The following ZSWIM4 variants were observed in gnomAD, a reference collection of about 807,000 sequenced individuals.
The protein encoded by ZSWIM4 is zinc finger SWIM-type containing 4.
ZSWIM4 carries 62 observed loss-of-function variants against 102.5 expected under a neutral mutation model. The observed-to-expected ratio is 0.60, with a 90% confidence interval of 0.49 to 0.75. ZSWIM4 has a LOEUF of 0.75. Ranked by LOEUF, ZSWIM4 falls within the 30% of genes least tolerant of loss-of-function variation. The pLI is 0.00. For missense variants in ZSWIM4, 1,280 were observed against 1,529.6 expected, an observed-to-expected ratio of 0.84 and a Z score of 2.72; for synonymous variants, 652 against 674.5, an observed-to-expected ratio of 0.97 and a Z score of 0.52.
intron 5 of ZSWIM4, among the ~76,000 whole-genome samples, chr19:13,810,150 A>G (rs939185276): frequency 4.0e-5 from 6 of 151,532 alleles, no homozygotes; most frequent in Non-Finnish European, 5.9e-5. Flanking sequence ...ACCCGCCACT[A>G]AGTCCGGCTA....
In ZSWIM4 at chr19:13,809,363, C is replaced by A; in HGVS notation, c.1012+143C>A. On this transcript the variant is annotated intron_variant, in intron 5 of 13. Transcript: ENST00000590508. The surrounding 1 kb of genome is among the most constrained non-coding windows in gnomAD (Gnocchi z 4.2). The stretch of plus-strand genomic sequence containing the variant: ...TTATGAGCGCCTCTAAAGTGCCAGG[C>A]ATGGTACTGGGCACTGGTGGTCCGG... 8.4e-7 allele frequency: 1 copy of A among 1,191,604 alleles called. No individual in the cohort carries two copies. The allele number at this position is 1,191,604 out of a possible 1,614,324, so 73.8% of individuals were successfully genotyped here. A position where few individuals can be genotyped will look rare whatever the true frequency, so the allele number is the denominator to read the frequency against.
chr19:13,830,885 C>T lies in ZSWIM4; in HGVS notation c.3156C>T (p.Ser1052=), dbSNP rs1410805972. The change falls in exon 14 of 14, where the codon AGC becomes AGT. Residue 1052 remains serine (S), a synonymous_variant. Transcript: ENST00000590508. ...GCCACTCGCGCCTCACGCACATCAG[C>T]CCGCGGCACTATGGGGATTTCATCG... ...TTSHSRLTHI[S]PRHYGDFIEF... is the part of the protein sequence containing the mutation. 3 of 1,614,082 alleles carry T rather than the reference C, an allele frequency of 1.9e-6. No individual in the cohort carries two copies. The highest frequency in any genetic ancestry group is 1.3e-5 in the African/African-American group (1 of 74,952).
At chr19:13,807,565 G>A (rs1974950502) in intron 3 of ZSWIM4, among the ~76,000 whole-genome samples, 1 of 131,264 alleles carries the variant, frequency 7.6e-6, no homozygotes, top group Admixed American at 8.3e-5. Context: ...CTGGTGTTTT[G>A]GGCAAGATGG....
chr19:13,800,064 G>GTTTTTTTTTTTTTT, intron 2 of ZSWIM4, 143 bp downstream of exon 2: 1 of 417,196 alleles, frequency 2.4e-6, no homozygotes, highest in African/African-American at 6.6e-5. Flanking sequence ...GATTGTACAA[G>GTTTTTTTTTTTTTT]ATTTTTTTTT....
rs190058628 is a variant in ZSWIM4, at chr19:13,805,199, C to T, written c.712+51C>T. 1.2e-5 allele frequency: 18 copies of T among 1,473,292 alleles called. No homozygotes were observed. The Admixed American group carries it at 2.7e-4, about 22-fold the overall frequency. 91.3% of individuals were successfully genotyped at this position (1,473,292 alleles called of 1,614,324 possible). Reference sequence around the variant, plus strand: ...GGGAGAGGATGCCCAAGCGCACAGCCACGCCACTTGCTGTGTGCCCAGTGC... The same window carrying T: ...GGGAGAGGATGCCCAAGCGCACAGCTACGCCACTTGCTGTGTGCCCAGTGC... On this transcript the variant is annotated intron_variant, in intron 3 of 13. Coordinates refer to ENST00000590508, the MANE Select transcript of ZSWIM4 (RefSeq NM_001367834.3).
At chr19:13,821,899 G>A (rs1975473885) in intron 10 of ZSWIM4, among the ~76,000 whole-genome samples, 1 of 151,936 alleles carries the variant, frequency 6.6e-6, no homozygotes, top group Non-Finnish European at 1.5e-5. Flanking sequence ...ACCACGCCTG[G>A]TTAATTTTTT....
At chr19:13,804,064 A>G (rs1011820379) in intron 2 of ZSWIM4, among the ~76,000 whole-genome samples, 6 of 151,074 alleles carry the variant, frequency 4.0e-5, no homozygotes, top group Non-Finnish European at 8.8e-5. Context: ...GGGTTTCACC[A>G]TGTTGGCCAT....
chr19:13,810,322 T>A (rs1599592824), intron 5 of ZSWIM4, among the ~76,000 whole-genome samples: 1 of 150,618 alleles, frequency 6.6e-6, no homozygotes, highest in African/African-American at 2.5e-5. Flanking sequence ...ACACGGACTC[T>A]CACCCTGTCT....
At chr19:13,804,277 C>G (rs536086675) in intron 2 of ZSWIM4, among the ~76,000 whole-genome samples, 43 of 152,042 alleles carry the variant, frequency 2.8e-4, no homozygotes, top group African/African-American at 9.9e-4. Context: ...TCAAAATCAG[C>G]CTGACCAACA....
Position 13,830,474 on chromosome 19 carries a change from C to T in ZSWIM4, c.2745C>T (p.Gly915=), listed in dbSNP as rs115782625. 4.1e-4 allele frequency: 664 copies of T among 1,602,618 alleles called. 3 individuals carry two copies. In the African/African-American group the frequency reaches 7.8e-3, roughly 19 times the overall value. Residue 915 remains glycine (G), a synonymous_variant, in exon 14 of 14, where the codon GGC becomes GGT. Coordinates refer to ENST00000590508, the MANE Select transcript of ZSWIM4 (RefSeq NM_001367834.3). The part of the protein sequence containing the change: ...AYQIVLDAAA[G]GLGHAHLFTV... ...AGATCGTGCTGGACGCGGCGGCCGG[C>T]GGCCTGGGCCACGCCCACCTCTTCA...
intron 1 of ZSWIM4, among the ~76,000 whole-genome samples, chr19:13,796,196 C>T (rs1224916886): frequency 6.6e-6 from 1 of 150,640 alleles, no homozygotes; most frequent in Admixed American, 6.6e-5. Flanking sequence ...AACGGTACCC[C>T]TCTTTTCCCA....
At chr19:13,808,797 C>T in intron 3 of ZSWIM4, 39 bp from the exon 4 acceptor site, 3 of 1,545,496 alleles carry the variant, frequency 1.9e-6, no homozygotes, top group Non-Finnish European at 2.6e-6. Context: ...ACCCCAACTC[C>T]AGCCCCAGCC....
chr19:13,803,414 A>G (rs529204494), intron 2 of ZSWIM4, among the ~76,000 whole-genome samples: 68 of 152,236 alleles, frequency 4.5e-4, no homozygotes, highest in Middle Eastern at 3.4e-3. Flanking sequence ...AGCCCTGGCC[A>G]TATTCATTGT....
At chr19:13,829,349 G>A (rs1016422359) in intron 13 of ZSWIM4, among the ~76,000 whole-genome samples, 4 of 152,146 alleles carry the variant, frequency 2.6e-5, no homozygotes, top group African/African-American at 4.8e-5. Flanking sequence ...CTAGCACTTT[G>A]GGAGGCCAAG....
chr19:13,803,364 G>A (rs1034803609), intron 2 of ZSWIM4, among the ~76,000 whole-genome samples: 5 of 152,320 alleles, frequency 3.3e-5, no homozygotes, highest in Admixed American at 2.0e-4. Context: ...CAAGCGCCAC[G>A]GGTCTTTGGC....
At chr19:13,812,171 A>G (rs1975114087) in intron 5 of ZSWIM4, among the ~76,000 whole-genome samples, 1 of 152,320 alleles carries the variant, frequency 6.6e-6, no homozygotes, top group South Asian at 2.1e-4. Flanking sequence ...AGTTTTCACC[A>G]TGGGCAGTGG....
chr19:13,813,022 G>A lies in ZSWIM4; in HGVS notation c.1038G>A (p.Leu346=). 2.5e-6 allele frequency: 4 copies of A among 1,613,358 alleles called. No individual in the cohort carries two copies. The highest frequency in any genetic ancestry group is 3.4e-6 in the Non-Finnish European group (4 of 1,179,580). The change falls in exon 6 of 14, where the codon CTG becomes CTA. Residue 346 remains leucine (L), a synonymous_variant. Coordinates refer to ENST00000590508, the MANE Select transcript of ZSWIM4 (RefSeq NM_001367834.3). ...GGGCCCTGTGGGTTTGCGTCGTCCT[G>A]AGCCCCCACTGCAAACCAGAGGAAA... ...ELGALWVCVV[L]SPHCKPEERA...
intron 3 of ZSWIM4, among the ~76,000 whole-genome samples, chr19:13,807,570 AGATGGATGGATGGATG>A (rs56365536): frequency 2.1e-5 from 3 of 141,034 alleles, no homozygotes; most frequent in African/African-American, 5.3e-5. Context: ...GTTTTGGGCA[AGATGGATGGATGGATG>A]GATGGATGGA....
At position 13,804,917 on chromosome 19, in the gene ZSWIM4, G is replaced by T; in HGVS notation, c.481G>T (p.Asp161Tyr). 1 of 1,613,412 alleles carries T rather than the reference G, an allele frequency of 6.2e-7. No homozygotes were observed. Among genetic ancestry groups the T allele is most frequent in the Non-Finnish European group, 8.5e-7 (1 of 1,180,012 alleles). The part of the protein sequence containing the change: ...TSVSCGCDNR[D>Y]LFYCAHVVAL... The stretch of plus-strand genomic sequence containing the variant: ...CGTGAGCTGCGGCTGTGACAACCGC[G>T]ACCTCTTCTACTGTGCCCACGTGGT... Residue 161 changes from aspartate (D) to tyrosine (Y), a missense_variant, in exon 3 of 14, where the codon GAC (aspartate) becomes TAC (tyrosine). Coordinates refer to ENST00000590508, the MANE Select transcript of ZSWIM4 (RefSeq NM_001367834.3).
Sources: allele counts gnomAD v4.1 joint callset (sites outside exome capture counted in the v4.1 genomes callset), GRCh38; gene constraint gnomAD v4.1.1; non-coding constraint Gnocchi (gnomAD v3.1); transcripts MANE v1.5; gene names NCBI Gene and HGNC (gene_info 2026-07-23, HGNC 2026-07-21).